FLRT1: variants seen among roughly 807,000 people sequenced by gnomAD.
FLRT1 encodes fibronectin leucine rich transmembrane protein 1, also known as leucine-rich repeat transmembrane protein FLRT1.
Under a neutral mutation model 30.9 loss-of-function variants are expected in FLRT1, and 14 were observed. The observed-to-expected ratio is 0.45, with a 90% CI of 0.30 to 0.71. FLRT1 has a LOEUF of 0.71. Ranked by LOEUF, FLRT1 falls within the 30% of genes least tolerant of loss-of-function variation. The pLI is 0.08. For missense variants in FLRT1, 737 were observed against 949.2 expected, an observed-to-expected ratio of 0.78 and a Z score of 2.94; for synonymous variants, 368 against 430.4, an observed-to-expected ratio of 0.85 and a Z score of 1.80.
At chr11:64,058,370 A>G (rs1333150191) in intron 1 of FLRT1, among the ~76,000 whole-genome samples, 3 of 152,198 alleles carry the variant, frequency 2.0e-5, no homozygotes, top group Non-Finnish European at 4.4e-5. Flanking sequence ...GGCAGGGCTT[A>G]GTCTGGACAG....
chr11:64,065,722 G>A (rs922617109), intron 1 of FLRT1, among the ~76,000 whole-genome samples: 39 of 151,186 alleles, frequency 2.6e-4, no homozygotes, highest in Non-Finnish European at 4.3e-4. Flanking sequence ...CCCGGGAGGC[G>A]GAGCTTGCAG....
At chr11:64,100,485 C>T (rs573133174) in intron 1 of FLRT1, among the ~76,000 whole-genome samples, 6 of 152,268 alleles carry the variant, frequency 3.9e-5, no homozygotes, top group Non-Finnish European at 8.8e-5. Context: ...GAGGCCAAGG[C>T]GAGGAGTGTA....
Position 64,064,694 on chromosome 11 carries a change from GCCCT to G in FLRT1, c.-1038+28540_-1038+28543del, listed in dbSNP as rs1199841664. ...ACGGCACCGAGATAGAAGGAGGGGG[GCCCT>G]CCCTGAGTTCTCCTCTCCCCTCCCT... On this transcript the variant is annotated intron_variant, in intron 1 of 2. Transcript: ENST00000682287. The surrounding 1 kb of genome is among the most constrained non-coding windows in gnomAD (Gnocchi z 4.5). Among the ~76,000 whole-genome samples the G allele has an allele frequency of 6.7e-6, 1 of 149,032 alleles. No homozygotes were observed. Among genetic ancestry groups the G allele is most frequent in the Non-Finnish European group, 1.5e-5 (1 of 66,760 alleles).
intron 1 of FLRT1, among the ~76,000 whole-genome samples, chr11:64,055,636 A>G (rs1474228907): frequency 2.0e-5 from 3 of 152,164 alleles, no homozygotes; most frequent in Admixed American, 6.5e-5. Context: ...TTTTGCTTCT[A>G]TTCCCCGGGG....
In FLRT1 at chr11:64,082,035, T is replaced by C. The variant is rs1186098067; in HGVS notation, c.-1037-21159T>C. The C allele has an allele frequency of 6.6e-6, 1 of 151,976 alleles. No homozygotes were observed. 9.4% of individuals were successfully genotyped at this position (151,976 alleles called of 1,614,324 possible). On this transcript the variant is annotated intron_variant, in intron 1 of 2. Transcript: ENST00000682287. This position sits in a 1 kb window ranked among gnomAD's most constrained non-coding sequence, Gnocchi z 4.5. ...AGCGGGCGCCGGATCCCGTGACAGG[T>C]TGAAAAGTGTGTGAGCTGCAGCGTC... is the stretch of plus-strand genomic sequence containing the variant.
chr11:64,108,869 A>ACCACACACCAGTGCCAGG (rs941962730), intron 2 of FLRT1, among the ~76,000 whole-genome samples: 18 of 152,162 alleles, frequency 1.2e-4, no homozygotes, highest in African/African-American at 4.1e-4. Context: ...GTCTGCAGCA[A>ACCACACACCAGTGCCAGG]CCACACACCA....
In FLRT1 at chr11:64,062,778, T is replaced by A. The variant is rs532901196; in HGVS notation, c.-1038+26619T>A. ...CCACCCCAAAACCAGGCCGGGCAGG[T>A]CTGGGGTGCCTGGCTTTATCAGGTG... is the stretch of plus-strand genomic sequence containing the variant. On this transcript the variant is annotated intron_variant, in intron 1 of 2. Transcript: ENST00000682287. Among the ~76,000 whole-genome samples the A allele has an allele frequency of 1.3e-3, 194 of 152,208 alleles. 1 individual carries two copies. Among genetic ancestry groups the A allele is most frequent in the African/African-American group, 4.6e-3 (191 of 41,526 alleles).
At chr11:64,071,701 T>A (rs1944110477) in intron 1 of FLRT1, among the ~76,000 whole-genome samples, 1 of 152,180 alleles carries the variant, frequency 6.6e-6, no homozygotes. Flanking sequence ...GGGGTGGTCA[T>A]GAGACCAAGG....
rs1944976457 is a variant in FLRT1, at chr11:64,116,218, G to C, written c.-49-1G>C. Reference sequence around the variant, plus strand: ...CTGCCCCTGTCCTGTGCTCCTTGCAGGTATTCAGGCTCCAGGCCAGGTGGG... The same window carrying C: ...CTGCCCCTGTCCTGTGCTCCTTGCACGTATTCAGGCTCCAGGCCAGGTGGG... On this transcript the variant is annotated splice_acceptor_variant, in intron 2 of 2. Transcript: ENST00000682287. LOFTEE classifies it low-confidence loss of function (5UTR_SPLICE). The C allele has an allele frequency of 1.3e-6, 2 of 1,558,820 alleles. No individual in the cohort carries two copies. Among genetic ancestry groups the C allele is most frequent in the Admixed American group, 3.5e-5 (2 of 56,422 alleles).
chr11:64,116,509 A>C lies in FLRT1; in HGVS notation c.242A>C (p.Asp81Ala). 6.2e-7 allele frequency: 1 copy of C among 1,613,954 alleles called. No individual in the cohort carries two copies. Reference sequence around the variant, plus strand: ...ACATCCATCCCCGCAGATATCCCTGATGATGCCACCACCCTCTACCTGCAG... The same window carrying C: ...ACATCCATCCCCGCAGATATCCCTGCTGATGCCACCACCCTCTACCTGCAG... ...GLTSIPADIP[D>A]DATTLYLQNN... The change falls in exon 3 of 3, where the codon GAT (aspartate) becomes GCT (alanine). Residue 81 changes from aspartate (D) to alanine (A), a missense_variant. Physicochemically the swap from Asp to Ala is moderately radical, Grantham distance 126 (BLOSUM62 -2). Coordinates refer to ENST00000682287, the MANE Select transcript of FLRT1 (RefSeq NM_013280.5).
chr11:64,056,189 G>A (rs1308924116), intron 1 of FLRT1, among the ~76,000 whole-genome samples: 3 of 152,140 alleles, frequency 2.0e-5, no homozygotes, highest in African/African-American at 7.2e-5. Flanking sequence ...AGGCAAAAAT[G>A]CCTGGGTGTC....
At chr11:64,075,275 G>A (rs1401641539) in intron 1 of FLRT1, among the ~76,000 whole-genome samples, 1 of 152,242 alleles carries the variant, frequency 6.6e-6, no homozygotes, top group Non-Finnish European at 1.5e-5. Flanking sequence ...GGACCTGCCT[G>A]GCTGGCCCTT....
intron 1 of FLRT1, among the ~76,000 whole-genome samples, chr11:64,073,283 C>T: frequency 6.6e-6 from 1 of 152,210 alleles, no homozygotes; most frequent in East Asian, 1.9e-4. Context: ...CTGTGATCAA[C>T]CGGCTGTCAC....
intron 1 of FLRT1, among the ~76,000 whole-genome samples, chr11:64,042,531 C>G (rs1943507558): frequency 6.6e-6 from 1 of 152,192 alleles, no homozygotes; most frequent in South Asian, 2.1e-4. Flanking sequence ...AGGGAGCCAG[C>G]AGTCAGGTAG....
intron 1 of FLRT1, among the ~76,000 whole-genome samples, chr11:64,056,960 C>T (rs1161783124): frequency 6.6e-6 from 1 of 152,216 alleles, no homozygotes; most frequent in Non-Finnish European, 1.5e-5. Flanking sequence ...CCAGCTTCCC[C>T]ACCCAGCCCG....
At chr11:64,101,710 A>G (rs1944674309) in intron 1 of FLRT1, among the ~76,000 whole-genome samples, 1 of 152,240 alleles carries the variant, frequency 6.6e-6, no homozygotes, top group African/African-American at 2.4e-5. Flanking sequence ...CGCCGCGTGC[A>G]GGGACTCTGT....
intron 1 of FLRT1, among the ~76,000 whole-genome samples, chr11:64,059,834 GC>G (rs1211766225): frequency 6.6e-6 from 1 of 152,152 alleles, no homozygotes; most frequent in Non-Finnish European, 1.5e-5. Flanking sequence ...CGAGAGGCCC[GC>G]CCCTAGGCGC....
chr11:64,116,154 C>T (rs893225833), intron 2 of FLRT1, 65 bp from the exon 3 acceptor site: 74 of 1,446,632 alleles, frequency 5.1e-5, no homozygotes, highest in Non-Finnish European at 5.8e-5. Flanking sequence ...AGGGAATGCA[C>T]GATTCACTCC....
intron 2 of FLRT1, among the ~76,000 whole-genome samples, chr11:64,115,571 G>A (rs2134612258): frequency 6.6e-6 from 1 of 152,352 alleles, no homozygotes; most frequent in South Asian, 2.1e-4. Context: ...AGTGACAACA[G>A]GACATGTTGT....
Sources: gnomAD v4.1 joint callset for allele counts (sites outside exome capture counted in the v4.1 genomes callset) on GRCh38, gnomAD v4.1.1 for gene constraint, Gnocchi (gnomAD v3.1) non-coding constraint, MANE v1.5 for transcripts, NCBI Gene and HGNC (gene_info 2026-07-23, HGNC 2026-07-21) for gene names.